Variants in SUGCT observed in about 807,000 individuals in gnomAD.
SUGCT encodes succinyl-CoA:glutarate CoA-transferase.
A neutral mutation model predicts 55.0 loss-of-function variants in SUGCT; 41 were observed. That is an observed-to-expected ratio of 0.74 (90% CI 0.58 to 0.97). The LOEUF is 0.97. SUGCT is among the 50% of genes least tolerant of loss of function. The pLI is 0.00. For synonymous variants in SUGCT, 187 were observed against 200.4 expected (o/e 0.93, Z 0.56); for missense variants, 568 against 547.8 (o/e 1.04, Z -0.37).
At chr7:40,833,849 C>T (rs936555735) in intron 13 of SUGCT, among the ~76,000 whole-genome samples, 8 of 152,158 alleles carry the variant, frequency 5.3e-5, no homozygotes, top group Non-Finnish European at 8.8e-5. Flanking sequence ...CATTTGGTGA[C>T]GGACTGTGGT....
chr7:40,157,418 G>A (rs1416652569), intron 1 of SUGCT, among the ~76,000 whole-genome samples: 3 of 152,140 alleles, frequency 2.0e-5, no homozygotes, highest in Non-Finnish European at 2.9e-5. Context: ...TCATTGCATT[G>A]TCTATGGGGT....
At chr7:40,982,595 A>T in the SUGCT span, among the ~76,000 whole-genome samples, 2 of 152,198 alleles carry the variant, frequency 1.3e-5, no homozygotes, top group Admixed American at 1.3e-4. Flanking sequence ...CTTGTTAAAA[A>T]TATAGATTTT....
intron 12 of SUGCT, among the ~76,000 whole-genome samples, chr7:40,632,965 G>T (rs769892276): frequency 2.0e-5 from 3 of 152,112 alleles, no homozygotes; most frequent in African/African-American, 4.8e-5. Context: ...AAGCCATGTT[G>T]GTTCATCTTG....
At chr7:40,783,704 C>A (rs533154682) in intron 13 of SUGCT, 1 of 152,066 alleles carries the variant, frequency 6.6e-6, no homozygotes, top group Non-Finnish European at 1.5e-5. Context: ...AGGAAATAGT[C>A]CCATTGATGA....
At chr7:40,676,965 A>G (rs1239757235) in intron 12 of SUGCT, among the ~76,000 whole-genome samples, 4 of 150,994 alleles carry the variant, frequency 2.6e-5, no homozygotes, top group Non-Finnish European at 2.9e-5. Flanking sequence ...CTAACATGCC[A>G]TGCCATGAAG....
intron 13 of SUGCT, among the ~76,000 whole-genome samples, chr7:40,838,171 A>C (rs1793087535): frequency 6.6e-6 from 1 of 152,198 alleles, no homozygotes; most frequent in African/African-American, 2.4e-5. Context: ...AATAATAGTT[A>C]AAATAGAATA....
intron 12 of SUGCT, among the ~76,000 whole-genome samples, chr7:40,515,803 A>G (rs1023870674): frequency 3.3e-5 from 5 of 152,198 alleles, no homozygotes; most frequent in Admixed American, 2.0e-4. Flanking sequence ...GTATGAGCAT[A>G]TGGTTTTCCA....
intron 12 of SUGCT, among the ~76,000 whole-genome samples, chr7:40,553,581 T>A (rs1386443853): frequency 6.6e-6 from 1 of 152,208 alleles, no homozygotes; most frequent in Non-Finnish European, 1.5e-5. Flanking sequence ...TGTATTTATC[T>A]ATATCGATAT....
At chr7:40,405,943 A>G (rs1786346497) in intron 9 of SUGCT, among the ~76,000 whole-genome samples, 1 of 152,096 alleles carries the variant, frequency 6.6e-6, no homozygotes, top group Non-Finnish European at 1.5e-5. Flanking sequence ...TGCTGCCCAG[A>G]TAGAGCCAAT....
rs983094637 is a variant in SUGCT, at chr7:40,412,122, C to G, written c.817-37165C>G. On this transcript the variant is annotated intron_variant, in intron 9 of 13. Transcript: ENST00000335693. ...TGACTTCTTGTTCAAAGGTGGAAGTCAGAGGCTGCCAGGGTGGTTTCCTAT... is the reference window on the plus strand; with the variant it reads ...TGACTTCTTGTTCAAAGGTGGAAGTGAGAGGCTGCCAGGGTGGTTTCCTAT... Among the ~76,000 whole-genome samples, 7 of 152,152 alleles carry G rather than the reference C, an allele frequency of 4.6e-5. No individual in the cohort carries two copies. In the South Asian group the frequency reaches 1.2e-3, roughly 27 times the overall value.
chr7:40,359,389 C>T (rs1268389972), intron 9 of SUGCT, among the ~76,000 whole-genome samples: 1 of 151,886 alleles, frequency 6.6e-6, no homozygotes, highest in Non-Finnish European at 1.5e-5. Flanking sequence ...ATTTTTAGTA[C>T]CGACAGGATT....
At chr7:40,952,587 G>T in the SUGCT span, among the ~76,000 whole-genome samples, 1 of 152,182 alleles carries the variant, frequency 6.6e-6, no homozygotes. Context: ...TGCAGTGGCT[G>T]GTACCAGTTG....
chr7:40,587,418 TTG>T (rs1277170381), intron 12 of SUGCT, among the ~76,000 whole-genome samples: 1 of 152,228 alleles, frequency 6.6e-6, no homozygotes, highest in Non-Finnish European at 1.5e-5. Flanking sequence ...TCTAAAATTC[TTG>T]TGTCTAAACA....
At chr7:40,926,427 T>C in the SUGCT span, among the ~76,000 whole-genome samples, 1 of 151,732 alleles carries the variant, frequency 6.6e-6, no homozygotes, top group Non-Finnish European at 1.5e-5. Flanking sequence ...AAATTGCTGC[T>C]GGAAACCAGA....
intron 6 of SUGCT, among the ~76,000 whole-genome samples, chr7:40,206,624 G>A (rs1403705160): frequency 6.6e-6 from 1 of 152,164 alleles, no homozygotes; most frequent in Non-Finnish European, 1.5e-5. Context: ...TTCTGTGGAT[G>A]TTCGAATCTC....
chr7:40,814,728 G>A (rs905479658), intron 13 of SUGCT, among the ~76,000 whole-genome samples: 1 of 152,088 alleles, frequency 6.6e-6, no homozygotes, highest in Non-Finnish European at 1.5e-5. Flanking sequence ...TGGAGAGCTA[G>A]TGTGATCCTT....
intron 7 of SUGCT, among the ~76,000 whole-genome samples, chr7:40,266,141 T>A (rs1477733514): frequency 4.6e-5 from 7 of 151,772 alleles, no homozygotes; most frequent in African/African-American, 1.7e-4. Flanking sequence ...ACTTTTTAAT[T>A]TTGAAATAGT....
intron 12 of SUGCT, among the ~76,000 whole-genome samples, chr7:40,628,815 A>G (rs1040265111): frequency 1.3e-5 from 2 of 151,846 alleles, no homozygotes; most frequent in South Asian, 2.1e-4. Context: ...ATCTCAGCTC[A>G]CTGCAACCTG....
intron 8 of SUGCT, among the ~76,000 whole-genome samples, chr7:40,283,896 C>T (rs919568712): frequency 1.3e-5 from 2 of 152,104 alleles, no homozygotes; most frequent in African/African-American, 4.8e-5. Flanking sequence ...GCATTGGAAT[C>T]AATCTAAATG....
Sources: gnomAD v4.1 joint callset for allele counts (sites outside exome capture counted in the v4.1 genomes callset) on GRCh38, gnomAD v4.1.1 for gene constraint, MANE v1.5 for transcripts, NCBI Gene and HGNC (gene_info 2026-07-23, HGNC 2026-07-21) for gene names.